ATG10: variants seen among roughly 807,000 people sequenced by gnomAD.
The protein encoded by ATG10 is autophagy related 10.
Under a neutral mutation model 32.1 loss-of-function variants are expected in ATG10, and 30 were observed. The ratio of observed to expected loss-of-function variants is 0.94; its 90% CI spans 0.70 to 1.27. The LOEUF (loss-of-function observed/expected upper bound fraction) is 1.27, where lower values mean the gene tolerates loss of function less well. Ranked by LOEUF, ATG10 falls within the 50% of genes most tolerant of loss-of-function variation. ATG10 has a pLI of 0.00. For missense variants in ATG10, 233 were observed against 262.3 expected (o/e 0.89, Z 0.77); for synonymous variants, 87 against 91.5 (o/e 0.95, Z 0.28).
intron 1 of ATG10, among the ~76,000 whole-genome samples, chr5:81,979,783 A>G (rs752235442): frequency 6.8e-6 from 1 of 146,188 alleles, no homozygotes; most frequent in Non-Finnish European, 1.5e-5. Context: ...GTTTCTTTCC[A>G]GCAGCTTTGT....
chr5:82,143,776 C>T (rs114092516), intron 3 of ATG10, among the ~76,000 whole-genome samples: 24 of 152,186 alleles, frequency 1.6e-4, no homozygotes, highest in African/African-American at 5.1e-4. Flanking sequence ...TGGTGGGAGA[C>T]GGGATATTGA....
intron 5 of ATG10, among the ~76,000 whole-genome samples, chr5:82,225,788 T>C (rs1025264218): frequency 4.6e-5 from 7 of 152,128 alleles, no homozygotes; most frequent in African/African-American, 1.4e-4. Flanking sequence ...TAAATGCTTC[T>C]AGAGGGAACG....
intron 3 of ATG10, among the ~76,000 whole-genome samples, chr5:82,112,910 C>G (rs12654884): frequency 0.41 from 62,220 of 151,616 alleles, 14,350 homozygotes; most frequent in East Asian, 0.79. Context: ...CTTGGGATAT[C>G]AGATGTATTT....
rs139522357 is a variant in ATG10, at chr5:81,987,496, T to C, written c.-12-63T>C. ...TGGTTTATTGACAGAAATAAATCAA[T>C]TGGCAGAATTCCTTTCAATATAATT... On this transcript the variant is annotated intron_variant, in intron 1 of 7. Coordinates refer to ENST00000282185, the MANE Select transcript of ATG10 (RefSeq NM_031482.5). The C allele has an allele frequency of 2.2e-4, 269 of 1,208,284 alleles. No individual in the cohort carries two copies. In the African/African-American group the frequency reaches 3.8e-3, roughly 17 times the overall value. The allele number at this position is 1,208,284 out of a possible 1,614,324, so 74.8% of individuals were successfully genotyped here. A position where few individuals can be genotyped will look rare whatever the true frequency, so the allele number is the denominator to read the frequency against.
chr5:82,090,333 G>A (rs1322141998), intron 3 of ATG10, among the ~76,000 whole-genome samples: 1 of 151,978 alleles, frequency 6.6e-6, no homozygotes, highest in Non-Finnish European at 1.5e-5. Flanking sequence ...AGTTTTATTT[G>A]TAATAGCCCA....
intron 2 of ATG10, among the ~76,000 whole-genome samples, chr5:82,034,455 TA>T (rs1290344056): frequency 2.6e-5 from 4 of 152,226 alleles, no homozygotes; most frequent in Non-Finnish European, 4.4e-5. Context: ...GCTTCCTAAT[TA>T]ATGCCCTCTT....
chr5:82,230,141 A>G (rs1390220648), intron 5 of ATG10, among the ~76,000 whole-genome samples: 2 of 152,194 alleles, frequency 1.3e-5, no homozygotes, highest in Non-Finnish European at 2.9e-5. Flanking sequence ...TGAAAGAAGC[A>G]TAAGGGCTAA....
chr5:82,164,322 A>C, intron 3 of ATG10, 77 bp from the exon 4 acceptor site: 108 of 982,620 alleles, frequency 1.1e-4, no homozygotes, highest in Middle Eastern at 2.2e-4. Context: ...TGAGAAGAAA[A>C]TCTCCTCTTT....
chr5:82,104,237 A>G (rs1765377526), intron 3 of ATG10, among the ~76,000 whole-genome samples: 1 of 151,988 alleles, frequency 6.6e-6, no homozygotes, highest in Non-Finnish European at 1.5e-5. Flanking sequence ...TTGTGTATGC[A>G]TATGTCTACC....
intron 5 of ATG10, among the ~76,000 whole-genome samples, chr5:82,198,535 C>T (rs1744946233): frequency 6.6e-6 from 1 of 152,200 alleles, no homozygotes; most frequent in African/African-American, 2.4e-5. Context: ...GCTGGGATTA[C>T]AGGTGTGAGG....
intron 2 of ATG10, among the ~76,000 whole-genome samples, chr5:82,051,409 A>G (rs1296508295): frequency 1.3e-5 from 2 of 152,188 alleles, no homozygotes; most frequent in Non-Finnish European, 2.9e-5. Flanking sequence ...ATGAGGTGTC[A>G]TGTTTAATAA....
chr5:82,082,225 A>T (rs1764509614), intron 3 of ATG10, among the ~76,000 whole-genome samples: 1 of 152,158 alleles, frequency 6.6e-6, no homozygotes, highest in South Asian at 2.1e-4. Context: ...CTGCCCTCTA[A>T]ACATCTGTCA....
intron 3 of ATG10, among the ~76,000 whole-genome samples, chr5:82,062,269 A>G (rs1394339445): frequency 6.6e-6 from 1 of 152,128 alleles, no homozygotes. Flanking sequence ...TTGTCACGGG[A>G]ATGGAATCGG....
chr5:82,033,090 C>T (rs1414854989), intron 2 of ATG10, among the ~76,000 whole-genome samples: 1 of 152,048 alleles, frequency 6.6e-6, no homozygotes, highest in Non-Finnish European at 1.5e-5. Context: ...CTTTCTTCTA[C>T]CAGCTTTTTA....
At chr5:81,973,239 C>T (rs1760778168) in intron 1 of ATG10, 1 of 152,300 alleles carries the variant, frequency 6.6e-6, no homozygotes, top group South Asian at 2.1e-4. Context: ...AAGCAATTCT[C>T]CTGCCTCAGC....
intron 5 of ATG10, among the ~76,000 whole-genome samples, chr5:82,214,451 A>T (rs2149983199): frequency 6.6e-6 from 1 of 152,350 alleles, no homozygotes; most frequent in East Asian, 1.9e-4. Flanking sequence ...AAAGATTTGC[A>T]GTTGCATTGT....
chr5:82,196,026 C>A (rs1429699655), intron 5 of ATG10, among the ~76,000 whole-genome samples: 1 of 152,166 alleles, frequency 6.6e-6, no homozygotes, highest in Non-Finnish European at 1.5e-5. Context: ...CAGTTTCTCC[C>A]CATCTTTGCC....
intron 5 of ATG10, among the ~76,000 whole-genome samples, chr5:82,224,925 T>C (rs111524953): frequency 9.8e-5 from 15 of 152,344 alleles, no homozygotes; most frequent in African/African-American, 3.1e-4. Context: ...CTGCCTCCCA[T>C]GTATTAAAAA....
intron 3 of ATG10, among the ~76,000 whole-genome samples, chr5:82,146,712 TG>T (rs1044722571): frequency 6.6e-6 from 1 of 152,068 alleles, no homozygotes; most frequent in African/African-American, 2.4e-5. Flanking sequence ...TAATCAGATC[TG>T]TTGAATTTTT....
Sources: gnomAD v4.1 joint callset for allele counts (sites outside exome capture counted in the v4.1 genomes callset) on GRCh38, gnomAD v4.1.1 for gene constraint, MANE v1.5 for transcripts, NCBI Gene and HGNC (gene_info 2026-07-23, HGNC 2026-07-21) for gene names.